Variants in CD4 observed in about 807,000 individuals in gnomAD.
The protein encoded by CD4 is CD4 molecule, also known as T-cell surface glycoprotein CD4.
Under a neutral mutation model 50.5 loss-of-function variants are expected in CD4, and 25 were observed. That is an observed-to-expected ratio of 0.49 (90% CI 0.36 to 0.69). The LOEUF (loss-of-function observed/expected upper bound fraction) is 0.69. Ranked by LOEUF, CD4 falls within the 30% of genes least tolerant of loss-of-function variation. The pLI, the probability that CD4 is intolerant of heterozygous loss-of-function variation, is 0.00. For synonymous variants in CD4, 207 were observed against 221.9 expected, an observed-to-expected ratio of 0.93 and a Z score of 0.60; for missense variants, 456 against 548.5, an observed-to-expected ratio of 0.83 and a Z score of 1.68.
At chr12:6,799,894 C>G (rs1942483395) in intron 1 of CD4, among the ~76,000 whole-genome samples, 178 bp from the exon 2 acceptor site, 1 of 152,154 alleles carries the variant, frequency 6.6e-6, no homozygotes, top group Admixed American at 6.5e-5. Flanking sequence ...CTGCCTCTTT[C>G]TCTTGCTTCT....
intron 1 of CD4, among the ~76,000 whole-genome samples, chr12:6,791,287 G>A (rs1431721088): frequency 6.6e-6 from 1 of 152,124 alleles, no homozygotes; most frequent in Admixed American, 6.6e-5. Context: ...CTCTTGCCCA[G>A]GCTGGAGTGC....
rs1565491458 is a variant in CD4, at chr12:6,800,145, CG to C, written c.11del (p.Gly4GlufsTer36). MN[R>X]GVPFRHLLLV... ...CTCCCTCGGCAAGGCCACAATGAAC[CG>C]GGGAGTCCCTTTTAGGCACTTGCTT... On this transcript the variant is annotated frameshift_variant, in exon 2 of 10. Transcript: ENST00000011653. LOFTEE classifies it high-confidence loss of function. The C allele has an allele frequency of 4.3e-6, 7 of 1,613,976 alleles. No individual in the cohort carries two copies. The highest frequency in any genetic ancestry group is 5.1e-6 in the Non-Finnish European group (6 of 1,179,948).
At position 6,802,493 on chromosome 12, in the gene CD4, A is replaced by T. The variant is rs1942594028; in HGVS notation, c.214+2022A>T. Among the ~76,000 whole-genome samples, 3 of 151,658 alleles carry T rather than the reference A, an allele frequency of 2.0e-5. No individual in the cohort carries two copies. In the South Asian group the frequency reaches 6.3e-4, roughly 32 times the overall value. Reference sequence around the variant, plus strand: ...TCACCTAATTTTTTACTTTTTGTAGAGATGAGACTTCACCATGTTGCTCAG... The same window carrying T: ...TCACCTAATTTTTTACTTTTTGTAGTGATGAGACTTCACCATGTTGCTCAG... On this transcript the variant is annotated intron_variant, in intron 3 of 9. Transcript: ENST00000011653.
chr12:6,815,827 T>A lies in CD4; in HGVS notation c.608-229T>A, dbSNP rs116019487. 1.2e-3 allele frequency: 1,774 copies of A among 1,482,980 alleles called. 13 individuals carry two copies. In the African/African-American group the frequency reaches 0.021, roughly 17 times the overall value. The allele number at this position is 1,482,980 out of a possible 1,614,324, so 91.9% of individuals were successfully genotyped here. ...GATCCCCTGTGGCTGGGCTGCTCTG[T>A]GATGGCTTCCGGGAGGAGGGAGGTG... On this transcript the variant is annotated intron_variant, in intron 5 of 9. Coordinates refer to ENST00000011653, the MANE Select transcript of CD4 (RefSeq NM_000616.5).
chr12:6,797,312 C>A lies in CD4; in HGVS notation c.-67-2760C>A, dbSNP rs28917476. On this transcript the variant is annotated intron_variant, in intron 1 of 9. Coordinates refer to ENST00000011653, the MANE Select transcript of CD4 (RefSeq NM_000616.5). ...CTCCTTCATCCAAACCCTGGACCAA[C>A]GCCTTCTGCTTGGCCCACTCAGAGG... Among the ~76,000 whole-genome samples the A allele has an allele frequency of 5.3e-3, 804 of 152,112 alleles. 5 individuals carry two copies. The highest frequency in any genetic ancestry group is 9.6e-3 in the Non-Finnish European group (650 of 67,968).
At chr12:6,794,182 C>T (rs1942292283) in intron 1 of CD4, among the ~76,000 whole-genome samples, 1 of 150,516 alleles carries the variant, frequency 6.6e-6, no homozygotes, top group Admixed American at 6.6e-5. Context: ...AAGCGATTCT[C>T]CTACCTCAGC....
intron 1 of CD4, 61 bp from the exon 2 acceptor site, chr12:6,800,011 C>T (rs375378230): frequency 2.0e-5 from 16 of 801,396 alleles, no homozygotes; most frequent in African/African-American, 1.3e-4. Context: ...GGTTGTGTAT[C>T]GCCCCTGTAT....
intron 3 of CD4, among the ~76,000 whole-genome samples, chr12:6,809,414 T>G (rs1224909647): frequency 6.6e-6 from 1 of 151,934 alleles, no homozygotes; most frequent in African/African-American, 2.4e-5. Flanking sequence ...CAGGATCTCT[T>G]GAGCCCACGA....
Position 6,795,757 on chromosome 12 carries a change from C to T in CD4, c.-67-4315C>T, listed in dbSNP as rs540387151. Among the ~76,000 whole-genome samples the T allele has an allele frequency of 1.6e-3, 251 of 152,322 alleles. 2 individuals carry two copies. The highest frequency in any genetic ancestry group is 0.013 in the South Asian group (65 of 4,832). ...ACACAGCTATTGACAGAAAATATGC[C>T]CAGGGCAGGGATAGAGTAGGAAAAA... On this transcript the variant is annotated intron_variant, in intron 1 of 9. Transcript: ENST00000011653.
chr12:6,801,777 G>A (rs1942565935), intron 3 of CD4, among the ~76,000 whole-genome samples: 3 of 150,778 alleles, frequency 2.0e-5, no homozygotes, highest in Admixed American at 1.3e-4. Context: ...AGCCAGGCTG[G>A]TCTTGATCTC....
chr12:6,790,530 T>G lies in CD4; in HGVS notation c.-68+868T>G, dbSNP rs1942124777. Reference sequence around the variant, plus strand: ...ATAAATATGTCATTTAAGAAACGGATTCGAAAAGAATTGGTGGTAGGGGTC... The same window carrying G: ...ATAAATATGTCATTTAAGAAACGGAGTCGAAAAGAATTGGTGGTAGGGGTC... On this transcript the variant is annotated intron_variant, in intron 1 of 9. Transcript: ENST00000011653. 6.6e-5 allele frequency among the ~76,000 whole-genome samples: 10 copies of G among 152,296 alleles called. 1 individual carries two copies. In the South Asian group the frequency reaches 2.1e-3, roughly 32 times the overall value.
intron 3 of CD4, among the ~76,000 whole-genome samples, chr12:6,813,309 G>A (rs947708510): frequency 1.3e-5 from 2 of 150,132 alleles, no homozygotes; most frequent in Admixed American, 6.7e-5. Flanking sequence ...TTTCCACCTC[G>A]ATCTTTCAAA....
intron 3 of CD4, among the ~76,000 whole-genome samples, chr12:6,806,716 A>G (rs1555116232): frequency 6.6e-6 from 1 of 152,208 alleles, no homozygotes; most frequent in African/African-American, 2.4e-5. Flanking sequence ...TTAAAACCAC[A>G]ATAGGCTATC....
At position 6,816,510 on chromosome 12, in the gene CD4, T is replaced by C; in HGVS notation, c.955+107T>C. The C allele has an allele frequency of 4.4e-6, 4 of 911,102 alleles. No individual in the cohort carries two copies. Among genetic ancestry groups the C allele is most frequent in the Non-Finnish European group, 6.6e-6 (4 of 608,810 alleles). 56.4% of individuals were successfully genotyped at this position (911,102 alleles called of 1,614,324 possible). Reference sequence around the variant, plus strand: ...GCCCCAAGAGGGGATGCCTAGGCCCTGGTCACCTGGATGAAGTGAGGGAGG... The same window carrying C: ...GCCCCAAGAGGGGATGCCTAGGCCCCGGTCACCTGGATGAAGTGAGGGAGG... On this transcript the variant is annotated intron_variant, in intron 6 of 9. Coordinates refer to ENST00000011653, the MANE Select transcript of CD4 (RefSeq NM_000616.5). The surrounding 1 kb of genome is among the most constrained non-coding windows in gnomAD (Gnocchi z 4.9).
chr12:6,800,280 G>T, intron 2 of CD4, 27 bp from the exon 3 acceptor site: 1 of 1,613,686 alleles, frequency 6.2e-7, no homozygotes, highest in Non-Finnish European at 8.5e-7. Context: ...GCGACATTGA[G>T]ACCTGACTCC....
At chr12:6,798,835 C>A (rs1555114744) in intron 1 of CD4, 2 of 152,364 alleles carry the variant, frequency 1.3e-5, no homozygotes, top group Non-Finnish European at 2.9e-5. Context: ...CACTCAGCAG[C>A]TGCAGGGGTC....
At position 6,798,373 on chromosome 12, in the gene CD4, C is replaced by T. The variant is rs1238709030; in HGVS notation, c.-67-1699C>T. 5.5e-5 allele frequency among the ~76,000 whole-genome samples: 6 copies of T among 109,732 alleles called. 1 individual carries two copies. The highest frequency in any genetic ancestry group is 2.3e-4 in the South Asian group (1 of 4,322). 72.0% of individuals were successfully genotyped at this position (109,732 alleles called of 152,430 possible). On this transcript the variant is annotated intron_variant, in intron 1 of 9. Transcript: ENST00000011653. ...TTTTTTAGTAGAGATGGGGTTTCAC[C>T]GTGTTCACCAGGATGGTCTCGATCT...
chr12:6,818,806 G>A lies in CD4; in HGVS notation c.1279-41G>A. 3.2e-6 allele frequency: 5 copies of A among 1,580,758 alleles called. No individual in the cohort carries two copies. The highest frequency in any genetic ancestry group is 4.3e-6 in the Non-Finnish European group (5 of 1,149,582). ...CACCAAGGGGCACCTCCCTTCTGGA[G>A]GCCTGGGACCCTCGTGACTCCCTTT... On this transcript the variant is annotated intron_variant, in intron 8 of 9. Transcript: ENST00000011653. The surrounding 1 kb of genome is among the most constrained non-coding windows in gnomAD (Gnocchi z 5.0).
intron 1 of CD4, among the ~76,000 whole-genome samples, chr12:6,793,984 A>ATCTATCTG (rs1340424126): frequency 6.6e-6 from 1 of 150,806 alleles, no homozygotes; most frequent in Non-Finnish European, 1.5e-5. Flanking sequence ...CTATCTATCT[A>ATCTATCTG]TCTATCTATC....
Sources: gnomAD v4.1 joint callset for allele counts (sites outside exome capture counted in the v4.1 genomes callset) on GRCh38, gnomAD v4.1.1 for gene constraint, Gnocchi (gnomAD v3.1) non-coding constraint, MANE v1.5 for transcripts, NCBI Gene and HGNC (gene_info 2026-07-23, HGNC 2026-07-21) for gene names.